The following HMX1 variants were observed in gnomAD, a reference collection of about 807,000 sequenced individuals.
HMX1 encodes homeobox protein HMX1.
In HMX1, 8 loss-of-function variants were observed where a neutral mutation model predicts 8.9. The observed-to-expected ratio is 0.90, with a 90% confidence interval of 0.53 to 1.63. HMX1 has a LOEUF of 1.63. HMX1 is among the 40% of genes most tolerant of loss of function. The pLI is 0.00. For missense variants in HMX1, 621 were observed against 558.5 expected, an observed-to-expected ratio of 1.11 and a Z score of -1.13; for synonymous variants, 311 against 283.4, an observed-to-expected ratio of 1.10 and a Z score of -0.98.
At chr4:8,863,314 G>T (rs994507397), downstream of HMX1, among the ~76,000 whole-genome samples, 1 of 152,208 alleles carries the variant, frequency 6.6e-6, no homozygotes, top group Non-Finnish European at 1.5e-5. Flanking sequence ...GGGGCGGAAG[G>T]CCACGAAAGA....
At chr4:8,869,182 G>T (rs549424439) in intron 1 of HMX1, among the ~76,000 whole-genome samples, 2 of 152,334 alleles carry the variant, frequency 1.3e-5, no homozygotes, top group African/African-American at 4.8e-5. Context: ...CTCACAGGCG[G>T]TGTCTGAGTT....
chr4:8,862,400 C>G (rs1292462489), downstream of HMX1, among the ~76,000 whole-genome samples: 1 of 152,166 alleles, frequency 6.6e-6, no homozygotes, highest in African/African-American at 2.4e-5. Context: ...TGGAAGTTTT[C>G]AAATATAAAA....
intron 1 of HMX1, chr4:8,860,973 G>T (rs1213162358): frequency 6.6e-6 from 1 of 150,986 alleles, no homozygotes; most frequent in Non-Finnish European, 1.5e-5. Context: ...GGGCGAGGGC[G>T]GGGGAGGGGG....
intron 1 of HMX1, among the ~76,000 whole-genome samples, chr4:8,861,121 T>C (rs1382645027): frequency 6.6e-6 from 1 of 152,024 alleles, no homozygotes; most frequent in Non-Finnish European, 1.5e-5. Flanking sequence ...CTGGCGCCAC[T>C]GTCGGGGTTC....
At position 8,853,395 on chromosome 4, in the gene HMX1, G is replaced by C. The variant is rs995485156; in HGVS notation, c.395-7071C>G. Among the ~76,000 whole-genome samples, 2 of 152,164 alleles carry C rather than the reference G, an allele frequency of 1.3e-5. No individual in the cohort carries two copies. Among genetic ancestry groups the C allele is most frequent in the Non-Finnish European group, 1.5e-5 (1 of 68,042 alleles). On this transcript the variant is annotated intron_variant, in intron 1 of 1. Transcript: ENST00000506970. This position sits in a 1 kb window ranked among gnomAD's most constrained non-coding sequence, Gnocchi z 4.7. ...GAGTTTGAGGGTCACCCAACTTCCTGATAAGTCAAAGATCTATCCAGATGT... is the reference window on the plus strand; with the variant it reads ...GAGTTTGAGGGTCACCCAACTTCCTCATAAGTCAAAGATCTATCCAGATGT...
At chr4:8,861,305 G>T (rs1560176655) in intron 1 of HMX1, among the ~76,000 whole-genome samples, 1 of 152,172 alleles carries the variant, frequency 6.6e-6, no homozygotes, top group South Asian at 2.1e-4. Flanking sequence ...GGCGACGCGG[G>T]GCCTGGGAGG....
chr4:8,855,585 C>T (rs1054172285), intron 1 of HMX1, among the ~76,000 whole-genome samples: 6 of 152,154 alleles, frequency 3.9e-5, no homozygotes, highest in Admixed American at 3.3e-4. Context: ...GGCAGAGGTC[C>T]AGAAGGTTCT....
At chr4:8,857,676 C>G (rs1308171205) in intron 1 of HMX1, among the ~76,000 whole-genome samples, 1 of 152,214 alleles carries the variant, frequency 6.6e-6, no homozygotes, top group Non-Finnish European at 1.5e-5. Flanking sequence ...CGCCGTTCGC[C>G]CTGGGTCTGA....
Position 8,867,734 on chromosome 4 carries a change from A to G in HMX1, c.1006T>C (p.Ser336Pro). 1.6e-6 allele frequency: 2 copies of G among 1,289,328 alleles called. No individual in the cohort carries two copies. Among genetic ancestry groups the G allele is most frequent in the Non-Finnish European group, 9.8e-7 (1 of 1,021,618 alleles). 79.9% of individuals were successfully genotyped at this position (1,289,328 alleles called of 1,614,324 possible). ...YPLAAFPAAASVPFLRAQMPG... is the reference protein window; with the variant it reads ...YPLAAFPAAAPVPFLRAQMPG... ...ATCTGCGCCCGCAGAAAGGGCACGGAGGCGGCGGCCGGGAAGGCGGCCAGC... is the reference window on the plus strand; with the variant it reads ...ATCTGCGCCCGCAGAAAGGGCACGGGGGCGGCGGCCGGGAAGGCGGCCAGC... Residue 336 changes from serine (S) to proline (P), a missense_variant, in exon 2 of 2, where the codon TCC becomes CCC. By Grantham distance (74) the Ser-to-Pro change is moderately conservative. Transcript: ENST00000400677.
At chr4:8,850,965 C>T (rs917121401) in intron 1 of HMX1, among the ~76,000 whole-genome samples, 1 of 152,268 alleles carries the variant, frequency 6.6e-6, no homozygotes, top group African/African-American at 2.4e-5. Flanking sequence ...ACTGGGCTCC[C>T]CCAGGGCAGG....
exon 2 of HMX1, chr4:8,846,081 G>C (rs931626410): frequency 3.4e-5 from 20 of 585,450 alleles, no homozygotes; most frequent in Non-Finnish European, 5.7e-5. Flanking sequence ...CCAGGTGGGT[G>C]CACACACTAA....
chr4:8,846,239 G>C, exon 2 of HMX1: 1 of 1,533,644 alleles, frequency 6.5e-7, no homozygotes, highest in Non-Finnish European at 8.7e-7. Context: ...GGCTCCCACT[G>C]TCACTTCTGT....
At chr4:8,864,881 C>G (rs1235091216), downstream of HMX1, among the ~76,000 whole-genome samples, 2 of 152,234 alleles carry the variant, frequency 1.3e-5, no homozygotes, top group African/African-American at 4.8e-5. Flanking sequence ...AAGACGCTCT[C>G]CAGCCCGATT....
chr4:8,851,900 G>T (rs1721459279), intron 1 of HMX1, among the ~76,000 whole-genome samples: 1 of 152,268 alleles, frequency 6.6e-6, no homozygotes, highest in South Asian at 2.1e-4. Flanking sequence ...CCGAGGCCAG[G>T]CAGCGGGCTG....
intron 1 of HMX1, among the ~76,000 whole-genome samples, chr4:8,856,556 T>A (rs966174819): frequency 3.9e-5 from 6 of 152,158 alleles, no homozygotes; most frequent in Non-Finnish European, 8.8e-5. Flanking sequence ...TATGTAGACA[T>A]TTTTCTTTCT....
chr4:8,856,234 T>G (rs573634924), intron 1 of HMX1, among the ~76,000 whole-genome samples: 4 of 152,164 alleles, frequency 2.6e-5, no homozygotes, highest in East Asian at 1.9e-4. Context: ...GTTGATAGAT[T>G]CCTTTTAAAA....
Position 8,852,547 on chromosome 4 carries a change from C to T in HMX1, c.395-6223G>A, listed in dbSNP as rs1029536581. ...ACGCTGCCTCACAGGAGGCTGCACACGCGGGGCCTGGGTGTGGGGAACTGG... is the reference window on the plus strand; with the variant it reads ...ACGCTGCCTCACAGGAGGCTGCACATGCGGGGCCTGGGTGTGGGGAACTGG... On this transcript the variant is annotated intron_variant, in intron 1 of 1. Transcript: ENST00000506970. Among the ~76,000 whole-genome samples the T allele has an allele frequency of 5.3e-5, 8 of 152,206 alleles. 1 individual carries two copies. The highest frequency in any genetic ancestry group is 4.6e-4 in the Admixed American group (7 of 15,274).
chr4:8,852,324 G>C (rs1227329458), intron 1 of HMX1, among the ~76,000 whole-genome samples: 1 of 152,224 alleles, frequency 6.6e-6, no homozygotes, highest in South Asian at 2.1e-4. Flanking sequence ...CTCACGCCCT[G>C]CATCTGCTCC....
At chr4:8,869,652 C>T (rs143598652) in intron 1 of HMX1, among the ~76,000 whole-genome samples, 1 of 152,196 alleles carries the variant, frequency 6.6e-6, no homozygotes, top group Non-Finnish European at 1.5e-5. Flanking sequence ...ACAGCACCCA[C>T]AGGGGAGTCA....
Sources: allele counts gnomAD v4.1 joint callset (sites outside exome capture counted in the v4.1 genomes callset), GRCh38; gene constraint gnomAD v4.1.1; non-coding constraint Gnocchi (gnomAD v3.1); transcripts MANE v1.5; gene names NCBI Gene and HGNC (gene_info 2026-07-23, HGNC 2026-07-21).